Variants in PSD2 observed in about 807,000 individuals in gnomAD.
The protein encoded by PSD2 is PH and SEC7 domain-containing protein 2.
PSD2 carries 38 observed loss-of-function variants against 69.8 expected under a neutral mutation model. The observed-to-expected ratio is 0.54, with a 90% confidence interval of 0.42 to 0.71. PSD2 has a LOEUF of 0.71. Among genes scored for constraint, PSD2 ranks in the 30% least tolerant of loss-of-function variants. The probability of loss-of-function intolerance (pLI) is 0.00; values close to 1 mark genes in which losing one functional copy is unlikely to be tolerated. For missense variants in PSD2, 943 were observed against 1,014.5 expected (o/e 0.93, Z 0.96); for synonymous variants, 412 against 423.0 (o/e 0.97, Z 0.32).
intron 5 of PSD2, among the ~76,000 whole-genome samples, chr5:139,818,234 C>T (rs1267647356): frequency 6.6e-6 from 1 of 152,140 alleles, no homozygotes; most frequent in East Asian, 1.9e-4. Flanking sequence ...TTCCACATGT[C>T]TCTTACACTT....
At chr5:139,832,409 T>G (rs1760617864) in intron 7 of PSD2, among the ~76,000 whole-genome samples, 1 of 152,260 alleles carries the variant, frequency 6.6e-6, no homozygotes, top group South Asian at 2.1e-4. Context: ...AGAAAGTTCT[T>G]GCTTGTCAGC....
chr5:139,816,096 A>G (rs1008760965), intron 4 of PSD2, among the ~76,000 whole-genome samples: 2 of 151,982 alleles, frequency 1.3e-5, no homozygotes, highest in African/African-American at 4.8e-5. Context: ...CAAAGTTACT[A>G]TTTGCTTCAT....
At chr5:139,827,093 T>C (rs1362637988) in intron 7 of PSD2, among the ~76,000 whole-genome samples, 2 of 152,184 alleles carry the variant, frequency 1.3e-5, no homozygotes, top group African/African-American at 2.4e-5. Flanking sequence ...TCAATCTCTG[T>C]GGCAAGAGGA....
the PSD2 span, among the ~76,000 whole-genome samples, chr5:139,786,162 A>G: frequency 6.6e-6 from 1 of 152,124 alleles, no homozygotes; most frequent in Non-Finnish European, 1.5e-5. Context: ...AGGCAGGAGG[A>G]TCTCTTGAGC....
chr5:139,781,319 A>G, the PSD2 span, among the ~76,000 whole-genome samples: 7 of 151,302 alleles, frequency 4.6e-5, no homozygotes, highest in African/African-American at 1.7e-4. Context: ...TCAGGACAGC[A>G]TTCATCACAT....
chr5:139,772,415 C>T, the PSD2 span: 1 of 152,344 alleles, frequency 6.6e-6, no homozygotes, highest in South Asian at 2.1e-4. Flanking sequence ...TCATGGAGCC[C>T]CTCCTCCCCT....
Position 139,838,729 on chromosome 5 carries a change from T to A in PSD2, c.1925T>A (p.Phe642Tyr). 6.2e-7 allele frequency: 1 copy of A among 1,613,844 alleles called. No individual in the cohort carries two copies. Among genetic ancestry groups the A allele is most frequent in the Non-Finnish European group, 8.5e-7 (1 of 1,179,938 alleles). ...GCCGCTGTCAGCTCCATGAAGAAGT[T>A]CTGTCGGCCCCTGCTGCCCTCCTGC... ...FPAAVSSMKK[F>Y]CRPLLPSCTT... The change falls in exon 13 of 15, where the codon TTC becomes TAC. Residue 642 changes from phenylalanine (F) to tyrosine (Y), a missense_variant. This residue lies in a region of PSD2 where 165 missense variants were observed against 168.8 expected (regional missense o/e 0.98). Transcript: ENST00000274710.
At chr5:139,775,351 G>C in the PSD2 span, 3 of 152,362 alleles carry the variant, frequency 2.0e-5, no homozygotes, top group African/African-American at 7.2e-5. Context: ...GAGGCCGAGT[G>C]GGGAGCTTGG....
At position 139,809,637 on chromosome 5, in the gene PSD2, TG is replaced by T. The variant is rs1206273415; in HGVS notation, c.199del (p.Ala67ProfsTer15). 1.6e-5 allele frequency: 26 copies of T among 1,614,138 alleles called. No homozygotes were observed. Among genetic ancestry groups the T allele is most frequent in the Non-Finnish European group, 2.2e-5 (26 of 1,180,050 alleles). ...GAGGAACCCACGAAGGACCCAGATGTGGCCTTCCATGGCCTCAGCCTTGGCC... is the reference window on the plus strand; with the variant it reads ...GAGGAACCCACGAAGGACCCAGATGTGCCTTCCATGGCCTCAGCCTTGGCC... The part of the protein sequence containing the change: ...DTEEPTKDPD[V>X]AFHGLSLGLS... On this transcript the variant is annotated frameshift_variant, in exon 2 of 15. Coordinates refer to ENST00000274710, the MANE Select transcript of PSD2 (RefSeq NM_032289.4). LOFTEE classifies it high-confidence loss of function.
chr5:139,799,535 A>G (rs1187118024), intron 1 of PSD2, among the ~76,000 whole-genome samples: 11 of 152,156 alleles, frequency 7.2e-5, no homozygotes, highest in Admixed American at 2.0e-4. Context: ...CCCCAAGGGC[A>G]CTTCAAAACC....
chr5:139,813,206 T>C (rs1409777853), intron 2 of PSD2, 103 bp from the exon 3 acceptor site: 3 of 855,070 alleles, frequency 3.5e-6, no homozygotes, highest in African/African-American at 1.7e-5. Context: ...GATGGGGGAG[T>C]GGTGTGCCCC....
At chr5:139,801,135 G>A (rs555751895) in intron 1 of PSD2, among the ~76,000 whole-genome samples, 1 of 151,672 alleles carries the variant, frequency 6.6e-6, no homozygotes, top group Non-Finnish European at 1.5e-5. Flanking sequence ...AACCTAGGAG[G>A]CAGAGGTTGC....
In PSD2 at chr5:139,844,090, G is replaced by C. The variant is rs1016043782; in HGVS notation, c.*1616G>C. 1 of 152,222 alleles carries C rather than the reference G, an allele frequency of 6.6e-6. No homozygotes were observed. Among genetic ancestry groups the C allele is most frequent in the Non-Finnish European group, 1.5e-5 (1 of 68,048 alleles). 9.4% of individuals were successfully genotyped at this position (152,222 alleles called of 1,614,324 possible). ...CCATCTGGCCCCTTCGTTTTGCTCA[G>C]AGGAAGTAAATGTTCACTTAAATGA... On this transcript the variant is annotated 3_prime_UTR_variant, in exon 15 of 15. Coordinates refer to ENST00000274710, the MANE Select transcript of PSD2 (RefSeq NM_032289.4).
the PSD2 span, chr5:139,744,748 A>G: frequency 1.3e-5 from 2 of 152,148 alleles, no homozygotes; most frequent in Non-Finnish European, 2.9e-5. Context: ...ACAAGAGGAG[A>G]GATGAGATTA....
At chr5:139,833,865 G>A (rs1311255908) in intron 8 of PSD2, 74 bp downstream of exon 8, 105 of 1,157,112 alleles carry the variant, frequency 9.1e-5, no homozygotes, top group Non-Finnish European at 1.3e-4. Context: ...TCTGTGCCTC[G>A]TGAAATCCTG....
At position 139,839,556 on chromosome 5, in the gene PSD2, G is replaced by A. The variant is rs973623265; in HGVS notation, c.1969-471G>A. On this transcript the variant is annotated intron_variant, in intron 13 of 14. Transcript: ENST00000274710. This position sits in a 1 kb window ranked among gnomAD's most constrained non-coding sequence, Gnocchi z 5.1. ...CGACAGTGTCTCCGCCTGTCTTTGG[G>A]TGTGATCCTGGGTCTGCAACCATTA... 3.3e-5 allele frequency among the ~76,000 whole-genome samples: 5 copies of A among 152,270 alleles called. No individual in the cohort carries two copies. The highest frequency in any genetic ancestry group is 2.6e-4 in the Admixed American group (4 of 15,292).
At chr5:139,747,266 GCA>G in the PSD2 span, among the ~76,000 whole-genome samples, 2 of 151,058 alleles carry the variant, frequency 1.3e-5, no homozygotes, top group South Asian at 2.1e-4. The surrounding 1 kb of genome is among the most constrained non-coding windows in gnomAD (Gnocchi z 6.7). Flanking sequence ...CCAACCCCCC[GCA>G]CACACACACA....
upstream of PSD2, among the ~76,000 whole-genome samples, chr5:139,791,864 G>C (rs1039604180): frequency 1.3e-5 from 2 of 152,220 alleles, no homozygotes; most frequent in African/African-American, 4.8e-5. Flanking sequence ...AGCTAGACTG[G>C]AGTTCCTTTG....
the PSD2 span, among the ~76,000 whole-genome samples, chr5:139,747,901 G>A: frequency 0.018 from 2,688 of 152,388 alleles, 38 homozygotes; most frequent in Non-Finnish European, 0.025. The surrounding 1 kb of genome is among the most constrained non-coding windows in gnomAD (Gnocchi z 6.7). Flanking sequence ...CCTCTCCCGC[G>A]AGCGAGCCGA....
Sources: gnomAD v4.1 joint callset for allele counts (sites outside exome capture counted in the v4.1 genomes callset) on GRCh38, gnomAD v4.1.1 for gene constraint, gnomAD v4.1.1 regional missense constraint, Gnocchi (gnomAD v3.1) non-coding constraint, MANE v1.5 for transcripts, NCBI Gene and HGNC (gene_info 2026-07-23, HGNC 2026-07-21) for gene names.